TUBB4B: variants seen among roughly 807,000 people sequenced by gnomAD.
The protein encoded by TUBB4B is tubulin beta-4B chain.
A neutral mutation model predicts 34.3 loss-of-function variants in TUBB4B; 7 were observed. That is an observed-to-expected ratio of 0.20 (90% confidence interval 0.12 to 0.38). TUBB4B has a LOEUF of 0.38. Ranked by LOEUF, TUBB4B falls within the 10% of genes least tolerant of loss-of-function variation. The pLI is 1.00. For missense variants in TUBB4B, 178 were observed against 610.9 expected (o/e 0.29, Z 7.47); for synonymous variants, 390 against 250.2 (o/e 1.56, Z -5.27).
At position 137,243,633 on chromosome 9, in the gene TUBB4B, CACT is replaced by C. The variant is rs1357890035; in HGVS notation, c.*78_*80del. 1 of 1,613,776 alleles carries C rather than the reference CACT, an allele frequency of 6.2e-7. No individual in the cohort carries two copies. On this transcript the variant is annotated 3_prime_UTR_variant, in exon 4 of 4. Transcript: ENST00000340384. ...TCCCAGCCTGTCCTGTGGCCTGTCCCACTGTGTGCACTTGCTGTTTTCCCTGTC... is the reference window on the plus strand; with the variant it reads ...TCCCAGCCTGTCCTGTGGCCTGTCCCGTGTGCACTTGCTGTTTTCCCTGTC...
chr9:137,242,433 C>CA (rs1272358638), intron 3 of TUBB4B, 63 bp from the exon 4 acceptor site: 1 of 1,561,832 alleles, frequency 6.4e-7, no homozygotes, highest in African/African-American at 1.4e-5. Flanking sequence ...GCTTTTTTCG[C>CA]ATGGCGGTGA....
chr9:137,242,355 G>T (rs1836771522), intron 3 of TUBB4B, 141 bp from the exon 4 acceptor site: 7 of 1,031,588 alleles, frequency 6.8e-6, no homozygotes, highest in Non-Finnish European at 9.8e-6. Context: ...GCCGTCTTTT[G>T]GCTTTGAAGG....
At position 137,242,704 on chromosome 9, in the gene TUBB4B, G is replaced by A. The variant is rs76828840; in HGVS notation, c.486G>A (p.Arg162=). The change falls in exon 4 of 4, where the codon AGG becomes AGA. Residue 162 remains arginine, a synonymous_variant. Transcript: ENST00000340384. Reference sequence around the variant, plus strand: ...AGATCCGGGAGGAGTACCCAGACAGGATCATGAACACGTTTAGTGTGGTGC... The same window carrying A: ...AGATCCGGGAGGAGTACCCAGACAGAATCATGAACACGTTTAGTGTGGTGC... ...ISKIREEYPD[R]IMNTFSVVPS... is the part of the protein sequence containing the mutation. 3.7e-6 allele frequency: 6 copies of A among 1,613,636 alleles called. No individual in the cohort carries two copies. The highest frequency in any genetic ancestry group is 1.3e-5 in the African/African-American group (1 of 74,938).
chr9:137,242,962 T>G lies in TUBB4B; in HGVS notation c.744T>G (p.Ala248=). 1 of 1,613,132 alleles carries G rather than the reference T, an allele frequency of 6.2e-7. No individual in the cohort carries two copies. The highest frequency in any genetic ancestry group is 8.5e-7 in the Non-Finnish European group (1 of 1,180,028). Residue 248 remains alanine, a synonymous_variant, in exon 4 of 4, where the codon GCT becomes GCG. Transcript: ENST00000340384. ...TGCGCTTCCCAGGCCAGCTCAATGC[T>G]GACCTGCGGAAGCTGGCTGTGAACA... ...TCLRFPGQLN[A]DLRKLAVNMV...
At chr9:137,241,699 G>A (rs555223485) in intron 1 of TUBB4B, 22 bp from the exon 2 acceptor site, 11 of 1,601,920 alleles carry the variant, frequency 6.9e-6, no homozygotes, top group Non-Finnish European at 9.4e-6. Flanking sequence ...GGCCCGCCCG[G>A]GCCCGCCCGC....
intron 3 of TUBB4B, chr9:137,242,284 G>C (rs571479396): frequency 2.1e-4 from 147 of 688,274 alleles, no homozygotes; most frequent in Admixed American, 3.8e-4. Flanking sequence ...TGGCCCCCCC[G>C]GGGAGGGGTT....
intron 1 of TUBB4B, 33 bp from the exon 2 acceptor site, chr9:137,241,688 C>CGGCGCGCCCG: frequency 6.3e-7 from 1 of 1,587,358 alleles, no homozygotes; most frequent in Non-Finnish European, 8.6e-7. Flanking sequence ...GACTCAGCCC[C>CGGCGCGCCCG]GGCCCGCCCG....
intron 3 of TUBB4B, 73 bp from the exon 4 acceptor site, chr9:137,242,423 G>A (rs1836774486): frequency 6.5e-7 from 1 of 1,545,008 alleles, no homozygotes; most frequent in Non-Finnish European, 8.8e-7. Flanking sequence ...ATGTCACTCG[G>A]CTTTTTTCGC....
At chr9:137,241,669 G>A (rs549397522) in intron 1 of TUBB4B, 52 bp from the exon 2 acceptor site, 2 of 1,475,886 alleles carry the variant, frequency 1.4e-6, no homozygotes, top group African/African-American at 2.9e-5. Context: ...CCTGCGCACC[G>A]GCCGCGGTGA....
chr9:137,241,308 TCTG>T lies in TUBB4B; in HGVS notation c.-46_-44del. ...TTGTAGCACTCTGCGCGCCCGCTCT[TCTG>T]CTGCTGTTTGTCTACTTCCTCCTGC... On this transcript the variant is annotated 5_prime_UTR_variant, in exon 1 of 4. Coordinates refer to ENST00000340384, the MANE Select transcript of TUBB4B (RefSeq NM_006088.6). 1 of 1,575,298 alleles carries T rather than the reference TCTG, an allele frequency of 6.3e-7. No individual in the cohort carries two copies.
At position 137,241,336 on chromosome 9, in the gene TUBB4B, C is replaced by T. The variant is rs762427284; in HGVS notation, c.-25C>T. 35 of 1,593,760 alleles carry T rather than the reference C, an allele frequency of 2.2e-5. No homozygotes were observed. Among genetic ancestry groups the T allele is most frequent in the Admixed American group, 3.4e-5 (2 of 59,506 alleles). ...GCTGCTGTTTGTCTACTTCCTCCTG[C>T]TTCCCCGCCGCCGCCGCCGCCATCA... On this transcript the variant is annotated 5_prime_UTR_variant, in exon 1 of 4. Transcript: ENST00000340384.
At position 137,243,559 on chromosome 9, in the gene TUBB4B, C is replaced by T. The variant is rs144486984; in HGVS notation, c.*3C>T. 1.8e-4 allele frequency: 298 copies of T among 1,613,734 alleles called. 2 individuals are homozygous for T. The African/African-American group carries it at 3.6e-3, about 19-fold the overall frequency. Reference sequence around the variant, plus strand: ...AGGCTGAGGAGGAGGTGGCCTAGAGCCTTCAGTCACTGGGGAAAGCAGGGA... The same window carrying T: ...AGGCTGAGGAGGAGGTGGCCTAGAGTCTTCAGTCACTGGGGAAAGCAGGGA... On this transcript the variant is annotated 3_prime_UTR_variant, in exon 4 of 4. Transcript: ENST00000340384.
In TUBB4B at chr9:137,243,509, G is replaced by A. The variant is rs779497777; in HGVS notation, c.1291G>A (p.Glu431Lys). ...CCAGCAGTACCAGGATGCCACAGCCGAGGAGGAGGGCGAGTTCGAGGAGGA... is the reference window on the plus strand; with the variant it reads ...CCAGCAGTACCAGGATGCCACAGCCAAGGAGGAGGGCGAGTTCGAGGAGGA... ...EYQQYQDATA[E>K]EEGEFEEEAE... The change falls in exon 4 of 4, where the codon GAG becomes AAG. Residue 431 changes from glutamate (E) to lysine (K), a missense_variant. Glu to Lys is a moderately conservative substitution (Grantham distance 56). Coordinates refer to ENST00000340384, the MANE Select transcript of TUBB4B (RefSeq NM_006088.6). 1.2e-6 allele frequency: 2 copies of A among 1,613,910 alleles called. No individual in the cohort carries two copies. Among genetic ancestry groups the A allele is most frequent in the South Asian group, 1.1e-5 (1 of 91,086 alleles).
At position 137,241,367 on chromosome 9, in the gene TUBB4B, GA is replaced by G; in HGVS notation, c.10del (p.Ile4SerfsTer20). ...CGCCGCCGCCGCCGCCATCATGAGG[GA>G]AATCGTGCACTTGCAGGCCGGGCAG... Reference protein sequence around the residue: MREIVHLQAGQCG... With the variant: MRXIVHLQAGQCG... On this transcript the variant is annotated frameshift_variant, in exon 1 of 4. Transcript: ENST00000340384. LOFTEE classifies it high-confidence loss of function. The G allele has an allele frequency of 6.2e-7, 1 of 1,603,300 alleles. No individual in the cohort carries two copies. The highest frequency in any genetic ancestry group is 2.3e-5 in the East Asian group (1 of 44,032).
In TUBB4B at chr9:137,242,941, C is replaced by T. The variant is rs776456140; in HGVS notation, c.723C>T (p.Arg241=). The part of the protein sequence containing the change: ...ATMSGVTTCL[R]FPGQLNADLR... The stretch of plus-strand genomic sequence containing the variant: ...TGAGTGGGGTCACCACCTGCCTGCG[C>T]TTCCCAGGCCAGCTCAATGCTGACC... The change falls in exon 4 of 4, where the codon CGC becomes CGT. Residue 241 remains arginine, a synonymous_variant. Coordinates refer to ENST00000340384, the MANE Select transcript of TUBB4B (RefSeq NM_006088.6). 5.0e-6 allele frequency: 8 copies of T among 1,613,212 alleles called. No homozygotes were observed. The Admixed American group carries it at 8.3e-5, about 17-fold the overall frequency.
intron 1 of TUBB4B, 145 bp from the exon 2 acceptor site, chr9:137,241,576 G>A (rs1836742993): frequency 2.5e-6 from 2 of 796,442 alleles, no homozygotes; most frequent in Non-Finnish European, 3.1e-6. Context: ...GAAGCCCCCA[G>A]GAACCCGGCG....
Position 137,242,983 on chromosome 9 carries a change from G to A in TUBB4B, c.765G>A (p.Val255=), listed in dbSNP as rs773338441. ...QLNADLRKLA[V]NMVPFPRLHF... ...ATGCTGACCTGCGGAAGCTGGCTGTGAACATGGTCCCGTTTCCCCGGCTGC... is the reference window on the plus strand; with the variant it reads ...ATGCTGACCTGCGGAAGCTGGCTGTAAACATGGTCCCGTTTCCCCGGCTGC... The change falls in exon 4 of 4, where the codon GTG becomes GTA. Residue 255 remains valine (V), a synonymous_variant. Transcript: ENST00000340384. The A allele has an allele frequency of 2.5e-6, 4 of 1,612,854 alleles. No individual in the cohort carries two copies. Among genetic ancestry groups the A allele is most frequent in the Non-Finnish European group, 3.4e-6 (4 of 1,180,032 alleles).
chr9:137,242,135 C>A, intron 3 of TUBB4B, 114 bp downstream of exon 3: 2 of 1,049,328 alleles, frequency 1.9e-6, no homozygotes, highest in Non-Finnish European at 2.7e-6. Context: ...TTCTCTGAGC[C>A]ACTCAATCCC....
In TUBB4B at chr9:137,241,357, C is replaced by T. The variant is rs1358100622; in HGVS notation, c.-4C>T. ...CCTGCTTCCCCGCCGCCGCCGCCGCCATCATGAGGGAAATCGTGCACTTGC... is the reference window on the plus strand; with the variant it reads ...CCTGCTTCCCCGCCGCCGCCGCCGCTATCATGAGGGAAATCGTGCACTTGC... On this transcript the variant is annotated 5_prime_UTR_variant, in exon 1 of 4. Coordinates refer to ENST00000340384, the MANE Select transcript of TUBB4B (RefSeq NM_006088.6). 8 of 1,601,984 alleles carry T rather than the reference C, an allele frequency of 5.0e-6. No individual in the cohort carries two copies. The highest frequency in any genetic ancestry group is 1.7e-5 in the Admixed American group (1 of 59,842).
Sources: allele counts gnomAD v4.1 joint callset, GRCh38; gene constraint gnomAD v4.1.1; transcripts MANE v1.5; gene names NCBI Gene and HGNC (gene_info 2026-07-23, HGNC 2026-07-21).